TAFA1: variants seen among roughly 807,000 people sequenced by gnomAD.
The protein encoded by TAFA1 is TAFA chemokine like family member 1.
TAFA1 carries 4 observed loss-of-function variants against 18.5 expected under a neutral mutation model. The ratio of observed to expected loss-of-function variants is 0.22; its 90% CI spans 0.11 to 0.49. The LOEUF (loss-of-function observed/expected upper bound fraction) is 0.49. Ranked by LOEUF, TAFA1 falls within the 20% of genes least tolerant of loss-of-function variation. The pLI is 0.98. For synonymous variants in TAFA1, 56 were observed against 55.2 expected (o/e 1.01, Z -0.06); for missense variants, 147 against 169.0 (o/e 0.87, Z 0.72).
At chr3:68,053,088 T>C (rs972172283) in intron 2 of TAFA1, among the ~76,000 whole-genome samples, 1 of 152,064 alleles carries the variant, frequency 6.6e-6, no homozygotes, top group African/African-American at 2.4e-5. Context: ...ACCCCTGGAG[T>C]ATCTGTTAAA....
intron 3 of TAFA1, among the ~76,000 whole-genome samples, chr3:68,439,412 C>CATACATACATAT (rs1264523262): frequency 2.7e-5 from 2 of 73,432 alleles, no homozygotes; most frequent in African/African-American, 1.4e-4. Context: ...TATATACATA[C>CATACATACATAT]ATATATATAT....
intron 3 of TAFA1, among the ~76,000 whole-genome samples, chr3:68,463,435 GT>G (rs1197821315): frequency 6.6e-6 from 1 of 152,058 alleles, no homozygotes; most frequent in Non-Finnish European, 1.5e-5. Context: ...ATTTTATTCA[GT>G]TTTTTCATTA....
chr3:68,163,348 G>A (rs2065947443), intron 2 of TAFA1, among the ~76,000 whole-genome samples: 1 of 152,062 alleles, frequency 6.6e-6, no homozygotes, highest in Non-Finnish European at 1.5e-5. Context: ...TATTACCTTT[G>A]GCCAATACTT....
At chr3:68,476,158 A>G (rs1488396787) in intron 3 of TAFA1, among the ~76,000 whole-genome samples, 1 of 152,222 alleles carries the variant, frequency 6.6e-6, no homozygotes, top group Non-Finnish European at 1.5e-5. Flanking sequence ...CAAAAGCCAA[A>G]ACTGACAAAT....
chr3:68,321,696 C>T (rs913462642), intron 2 of TAFA1, among the ~76,000 whole-genome samples: 3 of 152,118 alleles, frequency 2.0e-5, no homozygotes, highest in African/African-American at 7.2e-5. Flanking sequence ...TCCTTCTCTC[C>T]CTACCTTCAT....
intron 2 of TAFA1, among the ~76,000 whole-genome samples, chr3:68,081,297 C>A (rs574773947): frequency 2.0e-5 from 3 of 152,202 alleles, no homozygotes; most frequent in African/African-American, 7.2e-5. Flanking sequence ...TCGTCTGAAG[C>A]CTTCTTCTCT....
chr3:68,143,335 CT>C lies in TAFA1; in HGVS notation c.118+136593del, dbSNP rs548632429. ...ATACAAAAAATGGGTACTACATTGG[CT>C]TATGAAGAATTATGATTCTGAATCA... On this transcript the variant is annotated intron_variant, in intron 2 of 4. Coordinates refer to ENST00000478136, the MANE Select transcript of TAFA1 (RefSeq NM_213609.4). Among the ~76,000 whole-genome samples the C allele has an allele frequency of 1.5e-4, 23 of 152,212 alleles. No individual in the cohort carries two copies. In the South Asian group the frequency reaches 3.1e-3, roughly 21 times the overall value.
chr3:68,385,541 G>T (rs916751645), intron 2 of TAFA1, among the ~76,000 whole-genome samples: 6 of 152,014 alleles, frequency 3.9e-5, no homozygotes, highest in African/African-American at 1.4e-4. Context: ...TACACTATTC[G>T]TTTCTGCCTT....
intron 2 of TAFA1, among the ~76,000 whole-genome samples, chr3:68,213,456 A>G (rs749059308): frequency 1.8e-4 from 27 of 152,086 alleles, no homozygotes; most frequent in Admixed American, 5.2e-4. Context: ...GGCTGTATGT[A>G]GTTAAGAGAA....
chr3:68,539,899 A>G (rs1009914243), intron 4 of TAFA1, among the ~76,000 whole-genome samples: 14 of 152,046 alleles, frequency 9.2e-5, no homozygotes, highest in African/African-American at 3.4e-4. Flanking sequence ...TGCTGGGATT[A>G]CAGGCCTGAT....
At chr3:68,435,885 C>A (rs1185846669) in intron 3 of TAFA1, among the ~76,000 whole-genome samples, 1 of 152,168 alleles carries the variant, frequency 6.6e-6, no homozygotes, top group Non-Finnish European at 1.5e-5. Context: ...GTACGATTAA[C>A]GTCCTGCCAG....
At chr3:68,387,622 AT>A in intron 2 of TAFA1, among the ~76,000 whole-genome samples, 1 of 152,194 alleles carries the variant, frequency 6.6e-6, no homozygotes. Context: ...GATGTATTAG[AT>A]TGATTTATTT....
intron 2 of TAFA1, among the ~76,000 whole-genome samples, chr3:68,015,240 A>G (rs1198640229): frequency 3.3e-5 from 5 of 151,858 alleles, no homozygotes; most frequent in Non-Finnish European, 7.4e-5. Flanking sequence ...CAATAGCCTC[A>G]TTTGAATCTC....
At chr3:68,164,557 AT>A (rs1363175715) in intron 2 of TAFA1, among the ~76,000 whole-genome samples, 3 of 150,460 alleles carry the variant, frequency 2.0e-5, no homozygotes, top group Non-Finnish European at 3.0e-5. Context: ...TCTCCCTCCC[AT>A]TTTTTATGCA....
At chr3:68,426,869 TATC>T (rs2071065770) in intron 3 of TAFA1, among the ~76,000 whole-genome samples, 1 of 151,938 alleles carries the variant, frequency 6.6e-6, no homozygotes, top group South Asian at 2.1e-4. Context: ...TGACTGTGGG[TATC>T]ATCTAAGAAA....
chr3:68,304,479 T>A (rs908149277), intron 2 of TAFA1, among the ~76,000 whole-genome samples: 4 of 152,220 alleles, frequency 2.6e-5, no homozygotes, highest in African/African-American at 4.8e-5. Flanking sequence ...TGAATCTGTA[T>A]CATGTTCTAT....
chr3:68,226,173 T>A (rs2066797672), intron 2 of TAFA1, among the ~76,000 whole-genome samples: 1 of 152,154 alleles, frequency 6.6e-6, no homozygotes, highest in Non-Finnish European at 1.5e-5. Context: ...TAGAGCTTGA[T>A]CAGACAATTA....
At chr3:68,531,007 T>TAAC (rs1226921171) in intron 3 of TAFA1, among the ~76,000 whole-genome samples, 1 of 116,502 alleles carries the variant, frequency 8.6e-6, no homozygotes, top group South Asian at 2.6e-4. Context: ...TTATAATGAT[T>TAAC]AACAACAACA....
At chr3:68,496,566 C>A (rs1486962142) in intron 3 of TAFA1, among the ~76,000 whole-genome samples, 1 of 152,178 alleles carries the variant, frequency 6.6e-6, no homozygotes, top group Admixed American at 6.6e-5. Flanking sequence ...TTAGATGTGT[C>A]CATCCAGCCC....
Sources: allele counts gnomAD v4.1 joint callset (sites outside exome capture counted in the v4.1 genomes callset), GRCh38; gene constraint gnomAD v4.1.1; transcripts MANE v1.5; gene names NCBI Gene and HGNC (gene_info 2026-07-23, HGNC 2026-07-21).